Variants in SCNN1G observed in about 807,000 individuals in gnomAD.
SCNN1G encodes the protein sodium channel epithelial 1 subunit gamma, also known as epithelial sodium channel subunit gamma.
Under a neutral mutation model 64.6 loss-of-function variants are expected in SCNN1G, and 27 were observed. The ratio of observed to expected loss-of-function variants is 0.42; its 90% CI spans 0.31 to 0.58. SCNN1G has a LOEUF of 0.58. SCNN1G is among the 20% of genes least tolerant of loss of function. The pLI, the probability that SCNN1G is intolerant of heterozygous loss-of-function variation, is 0.18. For missense variants in SCNN1G, 743 were observed against 823.4 expected, an observed-to-expected ratio of 0.90 and a Z score of 1.19; for synonymous variants, 330 against 314.2, an observed-to-expected ratio of 1.05 and a Z score of -0.53.
rs755544446 is a variant in SCNN1G at position 23,194,245 on chromosome 16, T to G, written c.884T>G (p.Leu295Arg). 1 of 1,613,302 alleles carries G rather than the reference T, an allele frequency of 6.2e-7. No individual in the cohort carries two copies. Among genetic ancestry groups the G allele is most frequent in the Non-Finnish European group, 8.5e-7 (1 of 1,179,308 alleles). ...TFNNRENETI[L>R]STSMGGSEYG... ...AACAACAGAGAAAATGAGACCATTC[T>G]CAGCACCTCCATGGGGGGCAGCGAA... The change falls in exon 5 of 13, where the codon CTC becomes CGC. Residue 295 changes from leucine to arginine, a missense_variant. Coordinates refer to ENST00000300061, the MANE Select transcript of SCNN1G (RefSeq NM_001039.4).
chr16:23,194,315 T>C (rs1314856012), intron 5 of SCNN1G, 41 bp downstream of exon 5: 1 of 1,332,778 alleles, frequency 7.5e-7, no homozygotes, highest in South Asian at 1.2e-5. Flanking sequence ...GGCCCTCCAA[T>C]AGTGGACATG....
intron 5 of SCNN1G, chr16:23,196,310 A>G (rs1567264896): frequency 6.6e-6 from 1 of 152,274 alleles, no homozygotes; most frequent in Non-Finnish European, 1.5e-5. Flanking sequence ...TTCTAGAAAC[A>G]GAAATAAGAC....
intron 6 of SCNN1G, among the ~76,000 whole-genome samples, chr16:23,209,085 C>T (rs1960038458): frequency 1.3e-5 from 2 of 152,178 alleles, no homozygotes; most frequent in East Asian, 3.8e-4. Flanking sequence ...GCCCATCTTG[C>T]TTCAAGCCTT....
At chr16:23,195,735 AAATTGTTTGC>A (rs1266251305) in intron 5 of SCNN1G, among the ~76,000 whole-genome samples, 108 of 152,356 alleles carry the variant, frequency 7.1e-4, no homozygotes, top group African/African-American at 2.6e-3. Flanking sequence ...ACTTATTTAC[AAATTGTTTGC>A]AATTGTTTAC....
chr16:23,193,706 C>G (rs1959749317), intron 4 of SCNN1G, among the ~76,000 whole-genome samples: 1 of 152,154 alleles, frequency 6.6e-6, no homozygotes, highest in South Asian at 2.1e-4. Flanking sequence ...TTTCACCTAT[C>G]TGTATATGTT....
At chr16:23,211,179 A>G (rs1328420473) in intron 7 of SCNN1G, among the ~76,000 whole-genome samples, 1 of 152,256 alleles carries the variant, frequency 6.6e-6, no homozygotes, top group Non-Finnish European at 1.5e-5. Flanking sequence ...TAAAGAAAGC[A>G]AAGCATCTGA....
intron 4 of SCNN1G, among the ~76,000 whole-genome samples, chr16:23,193,760 T>C (rs918793751): frequency 1.3e-5 from 2 of 151,324 alleles, no homozygotes; most frequent in African/African-American, 4.9e-5. Context: ...ACTGGAATCA[T>C]GTCTCCCTAA....
At chr16:23,183,417 A>G (rs1959554128) in intron 1 of SCNN1G, among the ~76,000 whole-genome samples, 1 of 152,162 alleles carries the variant, frequency 6.6e-6, no homozygotes, top group Non-Finnish European at 1.5e-5. Context: ...CGGGACGGGC[A>G]CTGATCGGGA....
rs571619936 is a variant in SCNN1G, at chr16:23,189,715, G to C, written c.618+44G>C. ...ATTCTTTCACTGCTTAGGGGCATGGGATGGGCTGGGTCCAGGACTCTTCTC... is the reference window on the plus strand; with the variant it reads ...ATTCTTTCACTGCTTAGGGGCATGGCATGGGCTGGGTCCAGGACTCTTCTC... On this transcript the variant is annotated intron_variant, in intron 3 of 12. Transcript: ENST00000300061. 13 of 1,583,934 alleles carry C rather than the reference G, an allele frequency of 8.2e-6. 1 individual carries two copies. The South Asian group carries it at 1.4e-4, about 18-fold the overall frequency.
At chr16:23,205,354 G>A (rs537956114) in intron 6 of SCNN1G, among the ~76,000 whole-genome samples, 1 of 152,068 alleles carries the variant, frequency 6.6e-6, no homozygotes, top group African/African-American at 2.4e-5. Context: ...ATCAGGACAG[G>A]GTCATGGGAG....
At chr16:23,187,364 C>A (rs1959630564) in intron 2 of SCNN1G, among the ~76,000 whole-genome samples, 1 of 152,124 alleles carries the variant, frequency 6.6e-6, no homozygotes, top group Non-Finnish European at 1.5e-5. Context: ...CCACTTTGGT[C>A]TCTCAAAGTG....
intron 6 of SCNN1G, among the ~76,000 whole-genome samples, chr16:23,202,733 C>A (rs1259465826): frequency 3.3e-5 from 5 of 152,086 alleles, no homozygotes; most frequent in African/African-American, 1.2e-4. Flanking sequence ...ACTTGACAGC[C>A]AATGTTAGCC....
rs534382311 is a variant in SCNN1G, at chr16:23,203,597, T to C, written c.1078-6153T>C. On this transcript the variant is annotated intron_variant, in intron 6 of 12. Coordinates refer to ENST00000300061, the MANE Select transcript of SCNN1G (RefSeq NM_001039.4). ...CATCCTGGCTAATACAGTGAAACCC[T>C]GTCTCTACTAAAAATACAAAAAATT... Among the ~76,000 whole-genome samples, 8 of 151,686 alleles carry C rather than the reference T, an allele frequency of 5.3e-5. No individual in the cohort carries two copies. The East Asian group carries it at 1.2e-3, about 22-fold the overall frequency.
intron 1 of SCNN1G, among the ~76,000 whole-genome samples, chr16:23,183,265 C>G (rs2141925241): frequency 6.6e-6 from 1 of 152,344 alleles, no homozygotes; most frequent in East Asian, 1.9e-4. Context: ...CCGGCGCTCC[C>G]CCGGGGCAGA....
intron 1 of SCNN1G, among the ~76,000 whole-genome samples, chr16:23,185,131 C>A (rs1959585590): frequency 6.6e-6 from 1 of 152,228 alleles, no homozygotes. Context: ...CATCCAGCTC[C>A]TCCACTAACC....
intron 6 of SCNN1G, among the ~76,000 whole-genome samples, chr16:23,200,639 C>G (rs34977406): frequency 0.19 from 28,837 of 152,162 alleles, 3,004 homozygotes; most frequent in Admixed American, 0.27. Flanking sequence ...TAGAGTCCAG[C>G]AGAGAGGATT....
chr16:23,201,226 T>A (rs1039188838), intron 6 of SCNN1G, among the ~76,000 whole-genome samples: 12 of 152,318 alleles, frequency 7.9e-5, no homozygotes, highest in Admixed American at 3.3e-4. Context: ...CACCCTGAAG[T>A]AGGATCCAGG....
chr16:23,194,280 GA>G lies in SCNN1G; in HGVS notation c.913+9del, dbSNP rs1331134269. 8.8e-6 allele frequency: 14 copies of G among 1,585,188 alleles called. No homozygotes were observed. The highest frequency in any genetic ancestry group is 6.7e-5 in the Admixed American group (4 of 59,958). On this transcript the variant is annotated splice_region_variant and intron_variant, in intron 5 of 12. Transcript: ENST00000300061. The stretch of plus-strand genomic sequence containing the variant: ...CATGGGGGGCAGCGAATATGGTAAG[GA>G]AACCTGTGCCAAGGAGATCTTGAGG...
At chr16:23,192,603 C>T in intron 4 of SCNN1G, 61 bp downstream of exon 4, 2 of 1,371,838 alleles carry the variant, frequency 1.5e-6, no homozygotes, top group Non-Finnish European at 2.0e-6. Flanking sequence ...TACCAGGCCC[C>T]TTGCAGGAAC....
Sources: gnomAD v4.1 joint callset for allele counts (sites outside exome capture counted in the v4.1 genomes callset) on GRCh38, gnomAD v4.1.1 for gene constraint, MANE v1.5 for transcripts, NCBI Gene and HGNC (gene_info 2026-07-23, HGNC 2026-07-21) for gene names.